The following FHIT variants were observed in gnomAD, a reference collection of about 807,000 sequenced individuals.
FHIT encodes the protein bis(5'-adenosyl)-triphosphatase.
Under a neutral mutation model 17.9 loss-of-function variants are expected in FHIT, and 19 were observed. The ratio of observed to expected loss-of-function variants is 1.06; its 90% CI spans 0.74 to 1.56. The LOEUF is 1.56. Among genes scored for constraint, FHIT ranks in the 40% most tolerant of loss-of-function variants. The pLI is 0.00. For missense variants in FHIT, 248 were observed against 189.2 expected, an observed-to-expected ratio of 1.31 and a Z score of -1.82; for synonymous variants, 81 against 69.7, an observed-to-expected ratio of 1.16 and a Z score of -0.81.
intron 5 of FHIT, among the ~76,000 whole-genome samples, chr3:60,127,650 G>A (rs1705617438): frequency 6.6e-6 from 1 of 152,104 alleles, no homozygotes; most frequent in Non-Finnish European, 1.5e-5. Flanking sequence ...CACCCTGGCT[G>A]GAGTGCAGTA....
intron 5 of FHIT, among the ~76,000 whole-genome samples, chr3:60,192,208 G>A (rs1487698005): frequency 2.1e-5 from 3 of 145,186 alleles, no homozygotes; most frequent in East Asian, 2.1e-4. Context: ...CTGAGTTCAC[G>A]TCACTGCACT....
At chr3:60,932,224 C>T (rs1707992138) in intron 3 of FHIT, among the ~76,000 whole-genome samples, 2 of 152,160 alleles carry the variant, frequency 1.3e-5, no homozygotes, top group African/African-American at 2.4e-5. Flanking sequence ...TATTACTATG[C>T]ACATTTTACA....
At chr3:60,752,154 C>T (rs1354987043) in intron 4 of FHIT, among the ~76,000 whole-genome samples, 1 of 151,998 alleles carries the variant, frequency 6.6e-6, no homozygotes, top group Non-Finnish European at 1.5e-5. Flanking sequence ...GAGTCTTACT[C>T]TCTTCTTTAG....
intron 2 of FHIT, among the ~76,000 whole-genome samples, chr3:61,112,098 G>A (rs73839217): frequency 0.051 from 7,822 of 152,154 alleles, 377 homozygotes; most frequent in African/African-American, 0.13. Flanking sequence ...AGGAGGTGGC[G>A]GGGCCAAAAT....
intron 5 of FHIT, among the ~76,000 whole-genome samples, chr3:60,492,190 A>C (rs918059900): frequency 6.6e-6 from 1 of 152,186 alleles, no homozygotes; most frequent in African/African-American, 2.4e-5. Flanking sequence ...ACTAAAACTA[A>C]ATTTTACTAT....
intron 5 of FHIT, among the ~76,000 whole-genome samples, chr3:60,525,657 T>C (rs1353403478): frequency 1.3e-5 from 2 of 152,224 alleles, no homozygotes; most frequent in Admixed American, 6.5e-5. Context: ...TTTAAAATTC[T>C]AGTCTTGGTT....
chr3:60,636,585 A>C (rs926174760), intron 4 of FHIT, among the ~76,000 whole-genome samples: 2 of 152,122 alleles, frequency 1.3e-5, no homozygotes, highest in Non-Finnish European at 2.9e-5. Flanking sequence ...AAAATGCTGA[A>C]AATTTTGTGT....
At chr3:60,041,385 A>G (rs978093001) in intron 5 of FHIT, among the ~76,000 whole-genome samples, 20 of 152,190 alleles carry the variant, frequency 1.3e-4, no homozygotes, top group African/African-American at 4.6e-4. Flanking sequence ...GACTTCTTTC[A>G]GACAGCAATA....
chr3:60,625,238 T>C (rs1394535077), intron 4 of FHIT, among the ~76,000 whole-genome samples: 1 of 152,250 alleles, frequency 6.6e-6, no homozygotes, highest in Admixed American at 6.5e-5. Context: ...AATTTAATGT[T>C]GCTATGAACA....
chr3:60,019,873 T>G (rs1700488869), intron 5 of FHIT, among the ~76,000 whole-genome samples: 1 of 152,260 alleles, frequency 6.6e-6, no homozygotes. Flanking sequence ...AAGCTCTTTC[T>G]GTTACACTGA....
intron 7 of FHIT, among the ~76,000 whole-genome samples, chr3:59,959,357 CT>C (rs1285671778): frequency 6.6e-6 from 1 of 152,186 alleles, no homozygotes; most frequent in East Asian, 1.9e-4. Flanking sequence ...ATCACTACCC[CT>C]ATGAGACATG....
intron 5 of FHIT, among the ~76,000 whole-genome samples, chr3:60,189,967 C>T (rs1032477992): frequency 1.3e-5 from 2 of 152,194 alleles, no homozygotes; most frequent in South Asian, 2.1e-4. Flanking sequence ...CCAAAGGATG[C>T]TCTTTCCCTT....
intron 5 of FHIT, among the ~76,000 whole-genome samples, chr3:60,181,007 T>G (rs1025221588): frequency 4.5e-4 from 68 of 152,148 alleles, no homozygotes; most frequent in African/African-American, 1.6e-3. Context: ...AATTACAGTC[T>G]CTTTAAAGTA....
chr3:60,088,188 A>C (rs1703581003), intron 5 of FHIT, among the ~76,000 whole-genome samples: 2 of 152,098 alleles, frequency 1.3e-5, no homozygotes, highest in African/African-American at 4.8e-5. Context: ...TGGAGAACTC[A>C]TCCCCCAAAG....
intron 4 of FHIT, among the ~76,000 whole-genome samples, chr3:60,700,694 C>T (rs2107907920): frequency 6.6e-6 from 1 of 152,276 alleles, no homozygotes; most frequent in African/African-American, 2.4e-5. Flanking sequence ...ATATATGAAA[C>T]TCTTCCATTT....
chr3:60,288,046 A>G (rs1390601423), intron 5 of FHIT, among the ~76,000 whole-genome samples: 1 of 152,204 alleles, frequency 6.6e-6, no homozygotes, highest in Non-Finnish European at 1.5e-5. Flanking sequence ...AACTGGAGTC[A>G]CAACACCCAC....
intron 4 of FHIT, among the ~76,000 whole-genome samples, chr3:60,654,611 A>G (rs2040073219): frequency 6.6e-6 from 1 of 152,202 alleles, no homozygotes; most frequent in African/African-American, 2.4e-5. Flanking sequence ...TGAAATATAT[A>G]TTACAGAAAC....
chr3:61,236,655 G>A (rs11918601), intron 1 of FHIT, among the ~76,000 whole-genome samples: 2,913 of 152,272 alleles, frequency 0.019, 87 homozygotes, highest in African/African-American at 0.066. Context: ...CTTGCATAAG[G>A]CAGTGGGAGA....
chr3:60,987,054 G>A lies in FHIT; in HGVS notation c.-111+54993C>T, dbSNP rs186171354. ...ATATTACATTTGCAGTAAAATGTTA[G>A]AGAGATGAGACCATATGTGAGCAGT... On this transcript the variant is annotated intron_variant, in intron 3 of 9. Coordinates refer to ENST00000492590, the MANE Select transcript of FHIT (RefSeq NM_002012.4). Among the ~76,000 whole-genome samples the A allele has an allele frequency of 2.4e-3, 370 of 152,270 alleles. 1 individual carries two copies. Among genetic ancestry groups the A allele is most frequent in the African/African-American group, 8.3e-3 (343 of 41,556 alleles).
Sources: allele counts gnomAD v4.1 joint callset (sites outside exome capture counted in the v4.1 genomes callset), GRCh38; gene constraint gnomAD v4.1.1; transcripts MANE v1.5; gene names NCBI Gene and HGNC (gene_info 2026-07-23, HGNC 2026-07-21).